Variants in MYO6 observed in about 807,000 individuals in gnomAD.
MYO6 encodes unconventional myosin-VI.
Under a neutral mutation model 178.7 loss-of-function variants are expected in MYO6, and 74 were observed. The observed-to-expected ratio is 0.41, with a 90% CI of 0.34 to 0.50. The LOEUF is 0.50. MYO6 is among the 20% of genes least tolerant of loss of function. The pLI is 0.09. For missense variants in MYO6, 1,330 were observed against 1,547.4 expected, an observed-to-expected ratio of 0.86 and a Z score of 2.36; for synonymous variants, 477 against 504.6, an observed-to-expected ratio of 0.95 and a Z score of 0.73.
chr6:75,841,156 AATTAT>A (rs1480891418), intron 8 of MYO6, 53 bp from the exon 9 acceptor site: 3 of 1,481,304 alleles, frequency 2.0e-6, no homozygotes, highest in Non-Finnish European at 2.8e-6. Flanking sequence ...AACATTGGTT[AATTAT>A]ATTTTAAGAC....
chr6:75,914,695 GAA>G (rs1267924564), intron 34 of MYO6, 116 bp from the exon 35 acceptor site: 6 of 987,738 alleles, frequency 6.1e-6, no homozygotes, highest in Non-Finnish European at 9.2e-6. Context: ...CCATCTTAGA[GAA>G]AAAGTCTTAG....
Position 75,857,451 on chromosome 6 carries a change from A to G in MYO6, c.1381+197A>G, listed in dbSNP as rs3798438. Among the ~76,000 whole-genome samples, 2,063 of 152,326 alleles carry G rather than the reference A, an allele frequency of 0.014. 45 individuals carry two copies. Among genetic ancestry groups the G allele is most frequent in the East Asian group, 0.11 (577 of 5,190 alleles). On this transcript the variant is annotated intron_variant, in intron 13 of 34. Coordinates refer to ENST00000369977, the MANE Select transcript of MYO6 (RefSeq NM_004999.4). The stretch of plus-strand genomic sequence containing the variant: ...AGAAGAGGAAAGACTCGTGGGGATT[A>G]GTTTTGATGATACTAATGCTAAAAT...
rs901218323 is a variant in MYO6, at chr6:75,857,130, T to A, written c.1257T>A (p.Ala419=). 9 of 1,613,952 alleles carry A rather than the reference T, an allele frequency of 5.6e-6. No homozygotes were observed. In the Admixed American group the frequency reaches 6.7e-5, roughly 12 times the overall value. Residue 419 remains alanine, a synonymous_variant, in exon 13 of 35, where the codon GCT becomes GCA. Coordinates refer to ENST00000369977, the MANE Select transcript of MYO6 (RefSeq NM_004999.4). ...VPLKVEQANN[A]RDALAKTVYS... ...TGAAAGTGGAGCAAGCAAACAATGC[T>A]CGTGATGCCCTGGCAAAGACAGTGT...
intron 1 of MYO6, among the ~76,000 whole-genome samples, chr6:75,779,155 TC>T (rs1218551666): frequency 6.8e-6 from 1 of 147,224 alleles, no homozygotes; most frequent in Non-Finnish European, 1.5e-5. Flanking sequence ...CATCTTGGCC[TC>T]CCAAAGTGCT....
At chr6:75,880,410 T>C (rs1777917281) in intron 22 of MYO6, among the ~76,000 whole-genome samples, 1 of 152,230 alleles carries the variant, frequency 6.6e-6, no homozygotes, top group Non-Finnish European at 1.5e-5. Context: ...TGAGCCACAT[T>C]GGAAGAAGAA....
At chr6:75,777,422 T>C (rs1329875391) in intron 1 of MYO6, among the ~76,000 whole-genome samples, 1 of 151,868 alleles carries the variant, frequency 6.6e-6, no homozygotes, top group Non-Finnish European at 1.5e-5. Context: ...CTTTTTTTCT[T>C]TTTCTTTTCT....
At chr6:75,767,023 A>G (rs1375512600) in intron 1 of MYO6, among the ~76,000 whole-genome samples, 1 of 150,540 alleles carries the variant, frequency 6.6e-6, no homozygotes, top group Non-Finnish European at 1.5e-5. Flanking sequence ...ATCTTCCTCA[A>G]TTCATTCTTT....
At chr6:75,889,177 T>C (rs1778702587) in intron 25 of MYO6, among the ~76,000 whole-genome samples, 2 of 152,246 alleles carry the variant, frequency 1.3e-5, no homozygotes, top group South Asian at 4.1e-4. Context: ...TGGAGGAAAA[T>C]GAAAATGCTA....
At chr6:75,770,024 G>A (rs1443402283) in intron 1 of MYO6, among the ~76,000 whole-genome samples, 1 of 151,998 alleles carries the variant, frequency 6.6e-6, no homozygotes, top group African/African-American at 2.4e-5. Context: ...AGCTCCAGTA[G>A]GTGGTGCCCT....
chr6:75,890,355 T>C, intron 26 of MYO6, 90 bp downstream of exon 26: 1 of 1,561,054 alleles, frequency 6.4e-7, no homozygotes, highest in Non-Finnish European at 8.7e-7. Flanking sequence ...ATTTGTTTTG[T>C]TTTGTTTTTG....
chr6:75,914,948 C>G lies in MYO6; in HGVS notation c.3794C>G (p.Ala1265Gly). The G allele has an allele frequency of 1.2e-6, 2 of 1,613,986 alleles. No individual in the cohort carries two copies. The highest frequency in any genetic ancestry group is 1.1e-5 in the South Asian group (1 of 91,076). Residue 1265 changes from alanine (A) to glycine (G), a missense_variant, in exon 35 of 35, where the codon GCG (alanine) becomes GGG (glycine). Ala to Gly is a moderately conservative substitution (Grantham distance 60). This residue lies in a region of MYO6 where 601 missense variants were observed against 626.1 expected (regional missense o/e 0.96). Transcript: ENST00000369977. Reference sequence around the variant, plus strand: ...GGAGGCATCCAGTACCTTCAGAATGCGATTGAGAGCAGACAGGCTCGGCCC... The same window carrying G: ...GGAGGCATCCAGTACCTTCAGAATGGGATTGAGAGCAGACAGGCTCGGCCC... Reference protein sequence around the residue: ...RCGGIQYLQNAIESRQARPTY... With the variant: ...RCGGIQYLQNGIESRQARPTY...
At chr6:75,780,149 T>G (rs915164291) in intron 1 of MYO6, among the ~76,000 whole-genome samples, 10 of 152,150 alleles carry the variant, frequency 6.6e-5, no homozygotes, top group African/African-American at 2.4e-4. Flanking sequence ...ACACTTTAAA[T>G]ATGTGATGTG....
chr6:75,894,787 A>C (rs560782088), intron 28 of MYO6: 1 of 1,500,900 alleles, frequency 6.7e-7, no homozygotes, highest in Non-Finnish European at 9.0e-7. Context: ...TTCTGCTTCA[A>C]TAAGCAATTT....
intron 1 of MYO6, among the ~76,000 whole-genome samples, chr6:75,771,909 C>G: frequency 6.6e-6 from 1 of 151,916 alleles, no homozygotes; most frequent in Admixed American, 6.6e-5. Flanking sequence ...CTCTTGGTAA[C>G]CAGAATGTTT....
At chr6:75,779,509 A>G (rs984210018) in intron 1 of MYO6, among the ~76,000 whole-genome samples, 1 of 152,144 alleles carries the variant, frequency 6.6e-6, no homozygotes, top group Non-Finnish European at 1.5e-5. Context: ...CTGAAAAAAA[A>G]AAAATTCTTA....
chr6:75,898,689 C>T (rs1248003311), intron 30 of MYO6, among the ~76,000 whole-genome samples: 1 of 152,162 alleles, frequency 6.6e-6, no homozygotes, highest in African/African-American at 2.4e-5. Context: ...CTCTGGCCTC[C>T]ACCAACTCAG....
chr6:75,898,222 G>C, intron 29 of MYO6, 151 bp from the exon 30 acceptor site: 1 of 509,482 alleles, frequency 2.0e-6, no homozygotes, highest in East Asian at 3.5e-5. Flanking sequence ...TTGTTGAATA[G>C]TATATTCTAG....
intron 1 of MYO6, among the ~76,000 whole-genome samples, chr6:75,805,002 C>CATATATATATATATATAT (rs749031242): frequency 3.1e-5 from 2 of 63,980 alleles, no homozygotes; most frequent in African/African-American, 7.6e-5. Context: ...TACACACACA[C>CATATATATATATATATAT]ATATATATAT....
chr6:75,841,504 T>C (rs1774222107), intron 9 of MYO6, 126 bp downstream of exon 9: 7 of 851,618 alleles, frequency 8.2e-6, no homozygotes, highest in Non-Finnish European at 9.1e-6. Context: ...GCCTGGGCAA[T>C]GTAGCGAGAC....
Sources: allele counts gnomAD v4.1 joint callset (sites outside exome capture counted in the v4.1 genomes callset), GRCh38; gene constraint gnomAD v4.1.1; regional missense constraint gnomAD v4.1.1; transcripts MANE v1.5; gene names NCBI Gene and HGNC (gene_info 2026-07-23, HGNC 2026-07-21).